Variants in FOXN3 observed in about 807,000 individuals in gnomAD.
The protein encoded by FOXN3 is forkhead box N3.
A neutral mutation model predicts 38.4 loss-of-function variants in FOXN3; 7 were observed. The ratio of observed to expected loss-of-function variants is 0.18; its 90% confidence interval spans 0.10 to 0.34. The LOEUF is 0.34. Among genes scored for constraint, FOXN3 ranks in the 10% least tolerant of loss-of-function variants. The pLI is 1.00. For missense variants in FOXN3, 456 were observed against 613.4 expected (o/e 0.74, Z 2.71); for synonymous variants, 230 against 242.2 (o/e 0.95, Z 0.47).
At chr14:89,203,575 C>T (rs1234317266) in intron 4 of FOXN3, among the ~76,000 whole-genome samples, 1 of 152,190 alleles carries the variant, frequency 6.6e-6, no homozygotes, top group Non-Finnish European at 1.5e-5. Context: ...CCAGGCTGCC[C>T]CACTGGAGTC....
At position 89,164,757 on chromosome 14, in the gene FOXN3, G is replaced by A. The variant is rs1243295826; in HGVS notation, c.852-1788C>T. Among the ~76,000 whole-genome samples the A allele has an allele frequency of 6.6e-6, 1 of 152,168 alleles. No homozygotes were observed. The highest frequency in any genetic ancestry group is 2.4e-5 in the African/African-American group (1 of 41,448). ...ACGGCACTGGTAGAAGGGCTGTGGG[G>A]TCAGGACCACCAGTGAGATAACAGT... is the stretch of plus-strand genomic sequence containing the variant. On this transcript the variant is annotated intron_variant, in intron 5 of 5. Coordinates refer to ENST00000557258, the MANE Select transcript of FOXN3 (RefSeq NM_005197.4). This position sits in a 1 kb window ranked among gnomAD's most constrained non-coding sequence, Gnocchi z 4.3.
upstream of FOXN3, chr14:89,417,779 C>T (rs1309812916): frequency 2.2e-6 from 1 of 455,060 alleles, no homozygotes; most frequent in East Asian, 7.0e-5. Context: ...CTCCCAGCGA[C>T]CACCTCGTGT....
chr14:89,220,046 T>C (rs1465568247), intron 4 of FOXN3, among the ~76,000 whole-genome samples: 2 of 152,182 alleles, frequency 1.3e-5, no homozygotes, highest in South Asian at 2.1e-4. Flanking sequence ...CTGAACTTTA[T>C]GTTTGCTTTG....
intron 4 of FOXN3, among the ~76,000 whole-genome samples, chr14:89,234,183 A>G (rs1884909875): frequency 1.3e-5 from 2 of 152,210 alleles, no homozygotes; most frequent in African/African-American, 4.8e-5. Flanking sequence ...TATTTCGTGT[A>G]CTACGTGTAT....
At chr14:89,476,981 G>C (rs776983430) in intron 1 of FOXN3, among the ~76,000 whole-genome samples, 7 of 150,446 alleles carry the variant, frequency 4.7e-5, no homozygotes, top group Non-Finnish European at 7.4e-5. Flanking sequence ...GAGGCTCTGG[G>C]ATCTGGATTT....
At position 89,523,789 on chromosome 14, in the gene FOXN3, G is replaced by C. The variant is rs184279117; in HGVS notation, c.-15+95239C>G. ...TCTTTATGTTTTTTTTTGAGACAGA[G>C]TCTCGCTCTGTCACCCAGGCTGGAG... On this transcript the variant is annotated intron_variant, in intron 1 of 6. Coordinates refer to the FOXN3 transcript ENST00000345097. 4.0e-5 allele frequency among the ~76,000 whole-genome samples: 6 copies of C among 151,772 alleles called. No individual in the cohort carries two copies. The East Asian group carries it at 1.2e-3, about 30-fold the overall frequency.
rs1280071615 is a variant in FOXN3 at position 89,417,065 on chromosome 14, C to T, written c.-209G>A. The T allele has an allele frequency of 4.2e-5, 6 of 143,578 alleles. No individual in the cohort carries two copies. Among genetic ancestry groups the T allele is most frequent in the African/African-American group, 1.0e-4 (4 of 39,944 alleles). The allele number at this position is 143,578 out of a possible 1,614,324, so 8.9% of individuals were successfully genotyped here. On this transcript the variant is annotated 5_prime_UTR_variant, in exon 1 of 6. Transcript: ENST00000557258. ...CGGCAGGGGCGCGGGGGTCGCGGCG[C>T]GGCATGGGACCTGCGGCGTCCGCCG...
chr14:89,231,726 T>C (rs1884816299), intron 4 of FOXN3, among the ~76,000 whole-genome samples: 1 of 152,136 alleles, frequency 6.6e-6, no homozygotes, highest in African/African-American at 2.4e-5. Flanking sequence ...CATGCAATAC[T>C]GTGCTCCAAA....
intron 1 of FOXN3, among the ~76,000 whole-genome samples, chr14:89,551,492 AC>A (rs1258595360): frequency 6.6e-6 from 1 of 152,050 alleles, no homozygotes; most frequent in Non-Finnish European, 1.5e-5. Context: ...CACAGCCCCG[AC>A]AAAAAAGGTC....
intron 1 of FOXN3, among the ~76,000 whole-genome samples, chr14:89,559,051 C>T (rs925655223): frequency 1.8e-4 from 27 of 151,632 alleles, no homozygotes; most frequent in African/African-American, 6.3e-4. Context: ...TTTTTTTTAA[C>T]ATGATGTAGC....
At chr14:89,285,321 C>T (rs1886592205) in intron 3 of FOXN3, among the ~76,000 whole-genome samples, 1 of 152,072 alleles carries the variant, frequency 6.6e-6, no homozygotes, top group Non-Finnish European at 1.5e-5. Context: ...GAGTTCGAGA[C>T]CAGCCTGACC....
intron 4 of FOXN3, among the ~76,000 whole-genome samples, chr14:89,239,093 T>C (rs1019108816): frequency 5.3e-5 from 8 of 152,176 alleles, no homozygotes; most frequent in Admixed American, 1.3e-4. Context: ...AACAGTTAGA[T>C]GTAATTCACT....
At chr14:89,197,813 T>A (rs1888136658) in intron 4 of FOXN3, among the ~76,000 whole-genome samples, 1 of 152,188 alleles carries the variant, frequency 6.6e-6, no homozygotes, top group Non-Finnish European at 1.5e-5. Context: ...GTCAGGGAAT[T>A]CTGAAGTGTT....
chr14:89,480,636 A>G (rs1893307369), intron 1 of FOXN3, among the ~76,000 whole-genome samples: 1 of 152,182 alleles, frequency 6.6e-6, no homozygotes, highest in Non-Finnish European at 1.5e-5. Context: ...GCAATTTGCT[A>G]TAGGCAACTA....
At chr14:89,463,701 G>A (rs1417829869) in intron 1 of FOXN3, among the ~76,000 whole-genome samples, 1 of 152,104 alleles carries the variant, frequency 6.6e-6, no homozygotes, top group Non-Finnish European at 1.5e-5. Context: ...TTGCTTCAGG[G>A]CCATAAGTTA....
chr14:89,554,010 G>C (rs1161304527), intron 1 of FOXN3, among the ~76,000 whole-genome samples: 1 of 151,790 alleles, frequency 6.6e-6, no homozygotes, highest in Non-Finnish European at 1.5e-5. Flanking sequence ...TTTTTGTTTT[G>C]TTTTTTTATT....
At chr14:89,499,697 C>A (rs139949724) in intron 1 of FOXN3, among the ~76,000 whole-genome samples, 1 of 152,038 alleles carries the variant, frequency 6.6e-6, no homozygotes, top group African/African-American at 2.4e-5. Context: ...GACTCGTTTA[C>A]GTGTAATTTT....
At chr14:89,515,935 G>C (rs1287123583) in intron 1 of FOXN3, among the ~76,000 whole-genome samples, 1 of 152,106 alleles carries the variant, frequency 6.6e-6, no homozygotes, top group African/African-American at 2.4e-5. Context: ...GGTTGCCTCT[G>C]GAACCCAGGA....
chr14:89,422,686 T>C (rs1192917644), intron 1 of FOXN3, among the ~76,000 whole-genome samples: 2 of 152,172 alleles, frequency 1.3e-5, no homozygotes, highest in Non-Finnish European at 2.9e-5. Context: ...TCAAACATCA[T>C]TTGAACTTTC....
Sources: allele counts gnomAD v4.1 joint callset (sites outside exome capture counted in the v4.1 genomes callset), GRCh38; gene constraint gnomAD v4.1.1; non-coding constraint Gnocchi (gnomAD v3.1); transcripts MANE v1.5; gene names NCBI Gene and HGNC (gene_info 2026-07-23, HGNC 2026-07-21).